Variants in TTC29 observed in about 807,000 individuals in gnomAD.
The protein encoded by TTC29 is tetratricopeptide repeat domain 29.
Under a neutral mutation model 58.1 loss-of-function variants are expected in TTC29, and 49 were observed. The observed-to-expected ratio is 0.84, with a 90% CI of 0.67 to 1.07. The LOEUF (loss-of-function observed/expected upper bound fraction) is 1.07, where lower values mean the gene tolerates loss of function less well. Among genes scored for constraint, TTC29 ranks in the 50% least tolerant of loss-of-function variants. TTC29 has a pLI of 0.00. For missense variants in TTC29, 582 were observed against 555.6 expected (o/e 1.05, Z -0.48); for synonymous variants, 209 against 196.8 (o/e 1.06, Z -0.52).
rs977580492 is a variant in TTC29 at position 146,755,567 on chromosome 4, T to A, written c.1330+47890A>T. 6.6e-5 allele frequency among the ~76,000 whole-genome samples: 10 copies of A among 152,104 alleles called. 1 individual carries two copies. The highest frequency in any genetic ancestry group is 6.2e-4 in the South Asian group (3 of 4,828). Reference sequence around the variant, plus strand: ...CACATAGGGACGATAGGTAATAAGATTGTATTGTATATGGGATTCATGCTA... The same window carrying A: ...CACATAGGGACGATAGGTAATAAGAATGTATTGTATATGGGATTCATGCTA... On this transcript the variant is annotated intron_variant, in intron 11 of 12. Transcript: ENST00000325106.
At chr4:146,935,875 T>C (rs1248617147) in intron 4 of TTC29, among the ~76,000 whole-genome samples, 1 of 152,248 alleles carries the variant, frequency 6.6e-6, no homozygotes, top group Non-Finnish European at 1.5e-5. Flanking sequence ...AGACTATGCA[T>C]AATTCTTCAT....
chr4:146,748,612 G>A (rs1745726627), intron 11 of TTC29, among the ~76,000 whole-genome samples: 1 of 152,170 alleles, frequency 6.6e-6, no homozygotes, highest in Non-Finnish European at 1.5e-5. Context: ...CAACCAATGA[G>A]GCACCTGCAG....
At position 146,707,038 on chromosome 4, in the gene TTC29, GA is replaced by G. The variant is rs747349478; in HGVS notation, c.*119del. The G allele has an allele frequency of 1.6e-6, 1 of 628,314 alleles. No homozygotes were observed. The highest frequency in any genetic ancestry group is 2.4e-6 in the Non-Finnish European group (1 of 413,480). The allele number at this position is 628,314 out of a possible 1,614,324, so 38.9% of individuals were successfully genotyped here. The stretch of plus-strand genomic sequence containing the variant: ...ACTGAAATGCAAAATCCAATGAAAA[GA>G]GTCATAGTCCGTTTTATTATAACTC... On this transcript the variant is annotated 3_prime_UTR_variant, in exon 13 of 13. Transcript: ENST00000325106.
intron 6 of TTC29, among the ~76,000 whole-genome samples, chr4:146,877,966 G>A (rs2150228259): frequency 6.6e-6 from 1 of 152,276 alleles, no homozygotes; most frequent in East Asian, 1.9e-4. Context: ...AAGGAGAAGT[G>A]GAAGAAATCA....
At chr4:146,764,181 C>A (rs1010508681) in intron 11 of TTC29, 5 of 152,068 alleles carry the variant, frequency 3.3e-5, no homozygotes, top group African/African-American at 1.2e-4. Flanking sequence ...TATTCAATCA[C>A]CCTGTGATCC....
At chr4:146,718,236 G>C (rs144424764) in intron 11 of TTC29, among the ~76,000 whole-genome samples, 4 of 152,282 alleles carry the variant, frequency 2.6e-5, no homozygotes, top group African/African-American at 9.6e-5. Context: ...TAAATACCCA[G>C]AAGTAGGATT....
At chr4:146,870,849 A>T (rs1372642365) in intron 7 of TTC29, among the ~76,000 whole-genome samples, 2 of 152,052 alleles carry the variant, frequency 1.3e-5, no homozygotes, top group South Asian at 2.1e-4. Flanking sequence ...TTAGTAATTT[A>T]AAAACTTCCC....
At chr4:146,804,777 C>A (rs1750485278) in intron 10 of TTC29, among the ~76,000 whole-genome samples, 1 of 151,688 alleles carries the variant, frequency 6.6e-6, no homozygotes, top group African/African-American at 2.4e-5. Context: ...TGGGACACAG[C>A]ACCTCGGGGA....
intron 11 of TTC29, among the ~76,000 whole-genome samples, chr4:146,721,723 G>A (rs17021830): frequency 0.022 from 3,326 of 152,056 alleles, 130 homozygotes; most frequent in African/African-American, 0.075. Context: ...GGTTTGAAAC[G>A]CCAGATTAAA....
At chr4:146,915,697 T>G (rs1734176586) in intron 4 of TTC29, among the ~76,000 whole-genome samples, 1 of 152,046 alleles carries the variant, frequency 6.6e-6, no homozygotes, top group Non-Finnish European at 1.5e-5. Flanking sequence ...TAGGTCTTTG[T>G]ATAAGTTATT....
chr4:146,766,100 A>G (rs1282907128), intron 11 of TTC29, among the ~76,000 whole-genome samples: 1 of 152,108 alleles, frequency 6.6e-6, no homozygotes, highest in Non-Finnish European at 1.5e-5. Context: ...AACTGTGCTC[A>G]GCTAAAGAAA....
chr4:146,896,467 C>T (rs1258082985), intron 6 of TTC29, among the ~76,000 whole-genome samples: 1 of 152,136 alleles, frequency 6.6e-6, no homozygotes, highest in Non-Finnish European at 1.5e-5. Context: ...AGGTAGGAGT[C>T]TCTCTCTATT....
intron 11 of TTC29, among the ~76,000 whole-genome samples, chr4:146,739,189 C>G (rs1040644774): frequency 1.3e-5 from 2 of 151,938 alleles, no homozygotes; most frequent in Non-Finnish European, 2.9e-5. Flanking sequence ...AAGACTATGA[C>G]AAAAATTGCA....
chr4:146,729,944 T>C (rs1744205980), intron 11 of TTC29, among the ~76,000 whole-genome samples: 1 of 151,750 alleles, frequency 6.6e-6, no homozygotes, highest in African/African-American at 2.4e-5. Flanking sequence ...GAGATTTGGG[T>C]GGGGACACAA....
intron 11 of TTC29, among the ~76,000 whole-genome samples, chr4:146,773,664 T>A (rs1420488825): frequency 1.3e-5 from 2 of 152,126 alleles, no homozygotes; most frequent in Admixed American, 1.3e-4. Flanking sequence ...GATTTTTACA[T>A]TTATGTTCTT....
chr4:146,881,354 G>C (rs2150232911), intron 6 of TTC29, among the ~76,000 whole-genome samples: 1 of 152,198 alleles, frequency 6.6e-6, no homozygotes, highest in South Asian at 2.1e-4. Context: ...TAAGTCTTAA[G>C]CATATTTAGT....
chr4:146,735,218 G>T (rs10029296), intron 11 of TTC29, among the ~76,000 whole-genome samples: 151,515 of 152,148 alleles, frequency 1, 75,443 homozygotes, highest in Non-Finnish European at 1. Flanking sequence ...AGAAAATACC[G>T]CTGAGACCTG....
At chr4:146,715,168 G>C (rs770471202) in intron 11 of TTC29, among the ~76,000 whole-genome samples, 3 of 151,908 alleles carry the variant, frequency 2.0e-5, no homozygotes, top group Non-Finnish European at 4.4e-5. Flanking sequence ...TTTTACTGTT[G>C]GTGGGAATGT....
At chr4:146,795,665 G>T (rs1212511593) in intron 11 of TTC29, among the ~76,000 whole-genome samples, 3 of 152,082 alleles carry the variant, frequency 2.0e-5, no homozygotes, top group African/African-American at 7.2e-5. Context: ...AAGTTTAAAA[G>T]AATCAGAAGC....
Sources: allele counts gnomAD v4.1 joint callset (sites outside exome capture counted in the v4.1 genomes callset), GRCh38; gene constraint gnomAD v4.1.1; transcripts MANE v1.5; gene names NCBI Gene and HGNC (gene_info 2026-07-23, HGNC 2026-07-21).